MSRB3: variants seen among roughly 807,000 people sequenced by gnomAD.
The protein encoded by MSRB3 is methionine sulfoxide reductase B3, also known as methionine-R-sulfoxide reductase B3.
MSRB3 carries 13 observed loss-of-function variants against 21.0 expected under a neutral mutation model. That is an observed-to-expected ratio of 0.62 (90% confidence interval 0.40 to 0.98). The LOEUF (loss-of-function observed/expected upper bound fraction) is 0.98. Among genes scored for constraint, MSRB3 ranks in the 50% least tolerant of loss-of-function variants. MSRB3 has a pLI of 0.00. For missense variants in MSRB3, 199 were observed against 230.3 expected (o/e 0.86, Z 0.88); for synonymous variants, 87 against 88.6 (o/e 0.98, Z 0.10).
intron 5 of MSRB3, among the ~76,000 whole-genome samples, chr12:65,396,783 A>C (rs950204378): frequency 6.6e-6 from 1 of 152,032 alleles, no homozygotes; most frequent in African/African-American, 2.4e-5. Context: ...TTTATGGTCT[A>C]GATGTGGTCT....
chr12:65,462,617 A>C (rs925799509), intron 6 of MSRB3, among the ~76,000 whole-genome samples: 2 of 152,212 alleles, frequency 1.3e-5, no homozygotes, highest in African/African-American at 4.8e-5. Flanking sequence ...GGTGACTGTG[A>C]CATAAATCTA....
chr12:65,333,621 A>G (rs1220026982), intron 4 of MSRB3, among the ~76,000 whole-genome samples: 1 of 152,200 alleles, frequency 6.6e-6, no homozygotes, highest in African/African-American at 2.4e-5. Flanking sequence ...GAAGGCATCT[A>G]AATTCCTACT....
chr12:65,344,602 G>A (rs1293456687), intron 4 of MSRB3, among the ~76,000 whole-genome samples: 1 of 151,728 alleles, frequency 6.6e-6, no homozygotes, highest in Non-Finnish European at 1.5e-5. Flanking sequence ...CCTGTTTGGT[G>A]CTTAGGTCAG....
At chr12:65,339,031 T>G (rs1271805969) in intron 4 of MSRB3, among the ~76,000 whole-genome samples, 2 of 152,032 alleles carry the variant, frequency 1.3e-5, no homozygotes, top group African/African-American at 4.8e-5. Flanking sequence ...GAGCCAAGAT[T>G]GTGACACTGG....
At position 65,463,441 on chromosome 12, in the gene MSRB3, A is replaced by T. The variant is rs369448343; in HGVS notation, c.*119A>T. The T allele has an allele frequency of 3.1e-5, 39 of 1,274,080 alleles. No homozygotes were observed. In the African/African-American group the frequency reaches 4.2e-4, roughly 14 times the overall value. The allele number at this position is 1,274,080 out of a possible 1,614,324, so 78.9% of individuals were successfully genotyped here. A position where few individuals can be genotyped will look rare whatever the true frequency, so the allele number is the denominator to read the frequency against. ...CTATAAGGGCAGTTTTGTGCTATTG[A>T]TATTTTTTCTTCTTTTGCTTAAACA... On this transcript the variant is annotated 3_prime_UTR_variant, in exon 7 of 7. Transcript: ENST00000308259.
intron 4 of MSRB3, among the ~76,000 whole-genome samples, chr12:65,336,309 A>G (rs1875758619): frequency 6.6e-6 from 1 of 152,256 alleles, no homozygotes; most frequent in Non-Finnish European, 1.5e-5. Flanking sequence ...CTAGAAAACT[A>G]TCGCAAGGCA....
At chr12:65,279,026 G>C in intron 1 of MSRB3, 161 bp downstream of exon 1, 3 of 1,442,380 alleles carry the variant, frequency 2.1e-6, no homozygotes, top group Non-Finnish European at 2.7e-6. Flanking sequence ...AAGGGGAGCA[G>C]AAGGGTTGCG....
In MSRB3 at chr12:65,310,574, A is replaced by G. The variant is rs115809755; in HGVS notation, c.76+1919A>G. On this transcript the variant is annotated intron_variant, in intron 2 of 6. Transcript: ENST00000308259. ...AAGTACCCAGCATAGTTCTTGTAAC[A>G]TTGGTTTGCCAAATACAGGGGAGGC... 8.0e-3 allele frequency among the ~76,000 whole-genome samples: 1,224 copies of G among 152,318 alleles called. 17 individuals carry two copies. The highest frequency in any genetic ancestry group is 0.028 in the African/African-American group (1,183 of 41,572).
rs776925772 is a variant in MSRB3, at chr12:65,463,265, C to T, written c.501C>T (p.Thr167=). ...TTACACCTGCGGATAGCAGTGGCAC[C>T]GCCGAGGGAGGCAGTGGGGTCGCCA... ...LSFTPADSSG[T]AEGGSGVASP... The change falls in exon 7 of 7, where the codon ACC becomes ACT. Residue 167 remains threonine, a synonymous_variant. Coordinates refer to ENST00000308259, the MANE Select transcript of MSRB3 (RefSeq NM_001031679.3). 35 of 1,614,030 alleles carry T rather than the reference C, an allele frequency of 2.2e-5. No homozygotes were observed. Among genetic ancestry groups the T allele is most frequent in the South Asian group, 3.3e-5 (3 of 91,086 alleles).
Position 65,417,583 on chromosome 12 carries a change from G to A in MSRB3, c.293-36145G>A, listed in dbSNP as rs144630298. On this transcript the variant is annotated intron_variant, in intron 5 of 6. Coordinates refer to ENST00000308259, the MANE Select transcript of MSRB3 (RefSeq NM_001031679.3). The stretch of plus-strand genomic sequence containing the variant: ...CTGTAGTCACCATGATGTACAATAG[G>A]TCTCTTGAACTTATTTCTCCTAACT... Among the ~76,000 whole-genome samples the A allele has an allele frequency of 3.0e-3, 463 of 152,148 alleles. 3 individuals carry two copies. Among genetic ancestry groups the A allele is most frequent in the Middle Eastern group, 6.8e-3 (2 of 294 alleles).
intron 6 of MSRB3, chr12:65,454,168 T>G: frequency 2.4e-6 from 1 of 415,272 alleles, no homozygotes; most frequent in Non-Finnish European, 4.0e-6. Context: ...ATGCCTGTAG[T>G]TCTAGCTACT....
At chr12:65,357,353 C>T (rs1295895003) in intron 4 of MSRB3, among the ~76,000 whole-genome samples, 1 of 151,856 alleles carries the variant, frequency 6.6e-6, no homozygotes, top group African/African-American at 2.4e-5. Flanking sequence ...TATTATAAGC[C>T]TGTCTTCTTT....
intron 2 of MSRB3, among the ~76,000 whole-genome samples, chr12:65,314,760 A>G (rs1447227416): frequency 6.6e-6 from 1 of 152,192 alleles, no homozygotes; most frequent in Non-Finnish European, 1.5e-5. Flanking sequence ...TGAAAAAAAC[A>G]ATTAAATCTT....
intron 5 of MSRB3, among the ~76,000 whole-genome samples, chr12:65,384,400 A>G (rs1218980945): frequency 6.6e-6 from 1 of 152,214 alleles, no homozygotes. Flanking sequence ...AAGAGTCAAC[A>G]GGATGGCTTT....
In MSRB3 at chr12:65,382,700, CT is replaced by C. The variant is rs919346936; in HGVS notation, c.292+13681del. On this transcript the variant is annotated intron_variant, in intron 5 of 6. Transcript: ENST00000308259. The stretch of plus-strand genomic sequence containing the variant: ...TACTGATTTATTAGATTTGTTGGGG[CT>C]TTTTTTGTTGTTTTAAGTAATGTAC... Among the ~76,000 whole-genome samples, 87 of 151,160 alleles carry C rather than the reference CT, an allele frequency of 5.8e-4. 1 individual carries two copies. Among genetic ancestry groups the C allele is most frequent in the African/African-American group, 2.0e-3 (83 of 41,202 alleles).
intron 5 of MSRB3, among the ~76,000 whole-genome samples, chr12:65,417,866 C>A (rs1881061354): frequency 6.6e-6 from 1 of 152,156 alleles, no homozygotes; most frequent in Non-Finnish European, 1.5e-5. Flanking sequence ...ATACCACATT[C>A]TCTATCCATT....
chr12:65,300,315 C>G (rs1370876161), intron 1 of MSRB3, among the ~76,000 whole-genome samples: 1 of 152,104 alleles, frequency 6.6e-6, no homozygotes, highest in Non-Finnish European at 1.5e-5. Context: ...TGTCTCCTGG[C>G]CTTTAATGTG....
At chr12:65,435,302 A>C (rs1422994589) in intron 5 of MSRB3, among the ~76,000 whole-genome samples, 2 of 151,884 alleles carry the variant, frequency 1.3e-5, no homozygotes, top group African/African-American at 4.8e-5. Flanking sequence ...TATATTTTAA[A>C]ATGTTTTTCA....
chr12:65,302,014 A>T (rs1447176543), intron 1 of MSRB3, among the ~76,000 whole-genome samples: 1 of 152,146 alleles, frequency 6.6e-6, no homozygotes, highest in Admixed American at 6.5e-5. Context: ...TCATTTTTAT[A>T]AATTATTTAA....
Sources: allele counts gnomAD v4.1 joint callset (sites outside exome capture counted in the v4.1 genomes callset), GRCh38; gene constraint gnomAD v4.1.1; transcripts MANE v1.5; gene names NCBI Gene and HGNC (gene_info 2026-07-23, HGNC 2026-07-21).